GALNT13: variants seen among roughly 807,000 people sequenced by gnomAD.
GALNT13 encodes the protein polypeptide N-acetylgalactosaminyltransferase 13, also known as UDP-GalNAc:polypeptide N-acetylgalactosaminyltransferase 13.
A neutral mutation model predicts 64.2 loss-of-function variants in GALNT13; 28 were observed. The observed-to-expected ratio is 0.44, with a 90% CI of 0.32 to 0.60. The LOEUF (loss-of-function observed/expected upper bound fraction) is 0.60. Ranked by LOEUF, GALNT13 falls within the 20% of genes least tolerant of loss-of-function variation. The pLI, the probability that GALNT13 is intolerant of heterozygous loss-of-function variation, is 0.05. For missense variants in GALNT13, 577 were observed against 669.8 expected (o/e 0.86, Z 1.53); for synonymous variants, 214 against 224.6 (o/e 0.95, Z 0.42).
At chr2:154,419,264 C>G (rs1415415868) in intron 11 of GALNT13, among the ~76,000 whole-genome samples, 4 of 152,060 alleles carry the variant, frequency 2.6e-5, no homozygotes, top group Non-Finnish European at 4.4e-5. Flanking sequence ...CCGAGTGTTG[C>G]CTGGCCACAG....
At chr2:153,305,933 T>C in the GALNT13 span, among the ~76,000 whole-genome samples, 4 of 152,326 alleles carry the variant, frequency 2.6e-5, no homozygotes, top group African/African-American at 9.6e-5. Flanking sequence ...ATACTTCCCA[T>C]AGGTTTTGCC....
chr2:153,439,128 A>T, the GALNT13 span, among the ~76,000 whole-genome samples: 3 of 152,088 alleles, frequency 2.0e-5, no homozygotes, highest in Non-Finnish European at 4.4e-5. Flanking sequence ...GTGGCTCCAG[A>T]ACAGCAGATA....
At chr2:153,690,500 G>A in the GALNT13 span, among the ~76,000 whole-genome samples, 5 of 152,016 alleles carry the variant, frequency 3.3e-5, no homozygotes, top group Admixed American at 1.3e-4. Flanking sequence ...TGCTGGGTAC[G>A]ACCTTAAAAA....
chr2:153,696,215 G>T, the GALNT13 span, among the ~76,000 whole-genome samples: 1 of 152,146 alleles, frequency 6.6e-6, no homozygotes, highest in African/African-American at 2.4e-5. Flanking sequence ...AAGTCCAAGA[G>T]TCCAAAAGCT....
chr2:153,880,743 T>C (rs1208906447), intron 1 of GALNT13, among the ~76,000 whole-genome samples: 1 of 152,190 alleles, frequency 6.6e-6, no homozygotes, highest in East Asian at 1.9e-4. Flanking sequence ...TCATATGTTA[T>C]AGATTTTAAG....
chr2:153,927,106 G>A (rs1690196643), intron 2 of GALNT13, among the ~76,000 whole-genome samples: 1 of 151,894 alleles, frequency 6.6e-6, no homozygotes, highest in Non-Finnish European at 1.5e-5. Flanking sequence ...GAAATTACTA[G>A]TTCAAAGTAT....
intron 3 of GALNT13, among the ~76,000 whole-genome samples, chr2:153,946,541 C>T (rs903022562): frequency 6.6e-6 from 1 of 152,146 alleles, no homozygotes; most frequent in Non-Finnish European, 1.5e-5. Context: ...AAGGTGCTAG[C>T]AGATGCAACG....
chr2:154,392,848 C>T (rs374590430), intron 9 of GALNT13, among the ~76,000 whole-genome samples: 1 of 152,034 alleles, frequency 6.6e-6, no homozygotes, highest in Non-Finnish European at 1.5e-5. Context: ...GAGACTATTG[C>T]AATGCTAGTG....
the GALNT13 span, among the ~76,000 whole-genome samples, chr2:153,244,379 A>G: frequency 6.6e-6 from 1 of 152,246 alleles, no homozygotes. Flanking sequence ...GCCAAATAGA[A>G]ACAGCTCTTG....
the GALNT13 span, among the ~76,000 whole-genome samples, chr2:153,251,493 A>C: frequency 1.3e-5 from 2 of 151,982 alleles, no homozygotes; most frequent in Non-Finnish European, 2.9e-5. Flanking sequence ...ATTATACTTT[A>C]AGTTTTAGAG....
chr2:154,282,538 C>T (rs1692017336), intron 8 of GALNT13, among the ~76,000 whole-genome samples: 1 of 152,076 alleles, frequency 6.6e-6, no homozygotes, highest in Non-Finnish European at 1.5e-5. Context: ...ACAAAGCCAT[C>T]ATCAACCTCA....
At chr2:153,680,585 C>T in the GALNT13 span, among the ~76,000 whole-genome samples, 1 of 151,744 alleles carries the variant, frequency 6.6e-6, no homozygotes, top group African/African-American at 2.4e-5. Flanking sequence ...TTTGGATTGC[C>T]CATAGGCTGT....
At chr2:154,300,161 C>T (rs993389539) in intron 8 of GALNT13, among the ~76,000 whole-genome samples, 25 of 130,766 alleles carry the variant, frequency 1.9e-4, no homozygotes, top group African/African-American at 6.6e-4. Flanking sequence ...AGTGCAATGG[C>T]GCGTGATCTC....
chr2:154,278,964 G>A (rs1435728335), intron 8 of GALNT13, among the ~76,000 whole-genome samples: 1 of 151,734 alleles, frequency 6.6e-6, no homozygotes, highest in Non-Finnish European at 1.5e-5. Context: ...TTTTAGATAG[G>A]TAAAATATCT....
the GALNT13 span, among the ~76,000 whole-genome samples, chr2:153,394,863 G>A: frequency 6.6e-6 from 1 of 152,076 alleles, no homozygotes; most frequent in East Asian, 1.9e-4. Context: ...GCACGTTTTC[G>A]TTGTGTAGTC....
intron 3 of GALNT13, among the ~76,000 whole-genome samples, chr2:154,035,240 T>C (rs1358794508): frequency 6.6e-6 from 1 of 152,148 alleles, no homozygotes. Flanking sequence ...GTTTGTATGT[T>C]TGTGTGATGC....
the GALNT13 span, among the ~76,000 whole-genome samples, chr2:153,743,698 T>C: frequency 6.6e-6 from 1 of 152,144 alleles, no homozygotes; most frequent in Non-Finnish European, 1.5e-5. Flanking sequence ...TTATTTTAGT[T>C]ATTCTAAAAT....
At chr2:153,349,941 C>T in the GALNT13 span, among the ~76,000 whole-genome samples, 1 of 152,054 alleles carries the variant, frequency 6.6e-6, no homozygotes, top group African/African-American at 2.4e-5. Context: ...AACTGAAAAA[C>T]AATTATCTCA....
intron 3 of GALNT13, among the ~76,000 whole-genome samples, chr2:153,996,040 T>A (rs941219773): frequency 1.3e-5 from 2 of 152,208 alleles, no homozygotes; most frequent in African/African-American, 4.8e-5. Context: ...AGCATTCCAG[T>A]GTGTAAATAC....
Sources: gnomAD v4.1 joint callset for allele counts (sites outside exome capture counted in the v4.1 genomes callset) on GRCh38, gnomAD v4.1.1 for gene constraint, MANE v1.5 for transcripts, NCBI Gene and HGNC (gene_info 2026-07-23, HGNC 2026-07-21) for gene names.